ADGRV1: variants seen among roughly 807,000 people sequenced by gnomAD.
ADGRV1 encodes adhesion G protein-coupled receptor V1.
In ADGRV1, 359 loss-of-function variants were observed where a neutral mutation model predicts 596.2. The ratio of observed to expected loss-of-function variants is 0.60; its 90% CI spans 0.55 to 0.66. ADGRV1 has a LOEUF of 0.66. Ranked by LOEUF, ADGRV1 falls within the 30% of genes least tolerant of loss-of-function variation. ADGRV1 has a pLI of 0.00. For missense variants in ADGRV1, 7,274 were observed against 7,575.6 expected (o/e 0.96, Z 1.48); for synonymous variants, 2,681 against 2,679.2 (o/e 1.00, Z -0.02).
chr5:90,731,310 ACTC>A (rs565407495), intron 50 of ADGRV1, among the ~76,000 whole-genome samples: 226 of 152,076 alleles, frequency 1.5e-3, no homozygotes, highest in African/African-American at 5.2e-3. Flanking sequence ...TCTTGGGAGA[ACTC>A]CTCTACTATC....
chr5:91,006,595 A>G (rs928569192), intron 85 of ADGRV1, among the ~76,000 whole-genome samples: 1 of 152,186 alleles, frequency 6.6e-6, no homozygotes, highest in African/African-American at 2.4e-5. Flanking sequence ...AACACGGTCA[A>G]TTGAAATCTG....
intron 59 of ADGRV1, among the ~76,000 whole-genome samples, chr5:90,769,620 A>G (rs947518569): frequency 6.6e-6 from 1 of 152,054 alleles, no homozygotes; most frequent in Admixed American, 6.6e-5. Context: ...TGAATTCTGT[A>G]TTTTATTGTT....
chr5:91,113,337 C>T (rs1213514981), intron 87 of ADGRV1, among the ~76,000 whole-genome samples: 1 of 152,122 alleles, frequency 6.6e-6, no homozygotes, highest in Non-Finnish European at 1.5e-5. Flanking sequence ...ACTGTGCAGG[C>T]CAAGCAAAAG....
chr5:90,967,988 C>T (rs1778626663), intron 84 of ADGRV1, among the ~76,000 whole-genome samples: 1 of 152,158 alleles, frequency 6.6e-6, no homozygotes, highest in East Asian at 1.9e-4. Flanking sequence ...CAACCACTCT[C>T]ATGGGTCGTG....
chr5:90,743,965 T>C (rs1754305178), intron 50 of ADGRV1, among the ~76,000 whole-genome samples: 1 of 144,480 alleles, frequency 6.9e-6, no homozygotes, highest in South Asian at 2.3e-4. Flanking sequence ...TTTTACTTCT[T>C]TTTTAGAAGC....
chr5:90,585,483 G>T (rs1561331498), intron 1 of ADGRV1, among the ~76,000 whole-genome samples: 1 of 152,184 alleles, frequency 6.6e-6, no homozygotes, highest in Non-Finnish European at 1.5e-5. Flanking sequence ...TAGGATGGAG[G>T]GCGGAGTCTG....
At chr5:90,686,386 C>T (rs1028063526) in intron 29 of ADGRV1, among the ~76,000 whole-genome samples, 3 of 152,014 alleles carry the variant, frequency 2.0e-5, no homozygotes, top group African/African-American at 2.4e-5. Context: ...CACAACAGTC[C>T]CCAGAGTGTG....
Position 90,948,558 on chromosome 5 carries a change from G to C in ADGRV1, c.17857-16857G>C, listed in dbSNP as rs1185036654. Among the ~76,000 whole-genome samples the C allele has an allele frequency of 5.9e-5, 9 of 152,018 alleles. No homozygotes were observed. In the East Asian group the frequency reaches 1.7e-3, roughly 29 times the overall value. ...ACTTTATTCCTAGGTAAATACCCAA[G>C]AGAAATGTCCCATAGAAAACAAGTA... is the stretch of plus-strand genomic sequence containing the variant. On this transcript the variant is annotated intron_variant, in intron 83 of 89. Transcript: ENST00000405460.
intron 27 of ADGRV1, among the ~76,000 whole-genome samples, chr5:90,683,264 G>T (rs144988841): frequency 9.5e-4 from 144 of 152,148 alleles, no homozygotes; most frequent in African/African-American, 3.4e-3. Flanking sequence ...AGGCTGGAGT[G>T]CAGTGACACC....
chr5:90,735,949 A>G (rs544645000), intron 50 of ADGRV1, among the ~76,000 whole-genome samples: 22 of 152,222 alleles, frequency 1.4e-4, no homozygotes, highest in African/African-American at 3.8e-4. Context: ...TTCCATTCCT[A>G]TTTAGGTATG....
In ADGRV1 at chr5:91,111,628, T is replaced by A. The variant is rs61195095; in HGVS notation, c.18432+9288T>A. 6.3e-3 allele frequency among the ~76,000 whole-genome samples: 965 copies of A among 152,332 alleles called. 10 individuals are homozygous for A. The highest frequency in any genetic ancestry group is 0.022 in the African/African-American group (906 of 41,560). On this transcript the variant is annotated intron_variant, in intron 87 of 89. Coordinates refer to ENST00000405460, the MANE Select transcript of ADGRV1 (RefSeq NM_032119.4). ...ACTAATTGTTTCAAGGCACTCCCTT[T>A]GCAGTTGCTTTCCAACAGCCAACAG...
Position 90,643,935 on chromosome 5 carries a change from G to T in ADGRV1, c.2686G>T (p.Gly896Cys), listed in dbSNP as rs758482276. The T allele has an allele frequency of 6.2e-7, 1 of 1,611,816 alleles. No individual in the cohort carries two copies. The highest frequency in any genetic ancestry group is 8.5e-7 in the Non-Finnish European group (1 of 1,178,512). ...TGGCATTATAGAATTTGTTTCTGAT[G>T]GTCTAATTGTGATGATAAATGAAAG... The part of the protein sequence containing the change: ...PHGIIEFVSD[G>C]LIVMINESKG... The change falls in exon 14 of 90, where the codon GGT becomes TGT. Residue 896 changes from glycine to cysteine, a missense_variant. Transcript: ENST00000405460.
intron 83 of ADGRV1, among the ~76,000 whole-genome samples, chr5:90,943,853 A>C (rs1299593307): frequency 5.3e-5 from 8 of 152,010 alleles, no homozygotes; most frequent in Non-Finnish European, 1.2e-4. Flanking sequence ...TTTAGAACCC[A>C]CCTCACTTCT....
At position 90,577,692 on chromosome 5, in the gene ADGRV1, A is replaced by G. The variant is rs184373762; in HGVS notation, c.22+18775A>G. On this transcript the variant is annotated intron_variant, in intron 1 of 89. Coordinates refer to ENST00000405460, the MANE Select transcript of ADGRV1 (RefSeq NM_032119.4). ...GCTTGATGGGGATAACATTGAATCT[A>G]TAAATTACTTTGGGCATTATGGCCA... Among the ~76,000 whole-genome samples the G allele has an allele frequency of 3.9e-5, 6 of 152,308 alleles. 1 individual carries two copies. The East Asian group carries it at 1.2e-3, about 29-fold the overall frequency.
At chr5:91,015,300 T>G (rs1309594593) in intron 85 of ADGRV1, among the ~76,000 whole-genome samples, 1 of 152,084 alleles carries the variant, frequency 6.6e-6, no homozygotes, top group East Asian at 1.9e-4. Flanking sequence ...TTATGTCCAA[T>G]TATGTGGTAG....
intron 83 of ADGRV1, among the ~76,000 whole-genome samples, chr5:90,952,675 A>G (rs1164612900): frequency 1.3e-5 from 2 of 152,218 alleles, no homozygotes; most frequent in African/African-American, 2.4e-5. Flanking sequence ...ACTTGAACTC[A>G]GGTGAGCTGT....
intron 85 of ADGRV1, among the ~76,000 whole-genome samples, chr5:90,993,379 G>A (rs1438647209): frequency 6.6e-6 from 1 of 151,836 alleles, no homozygotes; most frequent in South Asian, 2.1e-4. Context: ...GGCTGGTCTC[G>A]AACTCCTGAT....
intron 85 of ADGRV1, among the ~76,000 whole-genome samples, chr5:91,054,216 C>CCACT (rs1172602350): frequency 6.6e-6 from 1 of 151,892 alleles, no homozygotes; most frequent in East Asian, 1.9e-4. Context: ...TTTTGATACC[C>CCACT]CACTCCTAGT....
In ADGRV1 at chr5:90,642,550, A is replaced by T. The variant is rs148840617; in HGVS notation, c.2241-86A>T. 428 of 1,353,518 alleles carry T rather than the reference A, an allele frequency of 3.2e-4. 1 individual carries two copies. In the African/African-American group the frequency reaches 4.9e-3, roughly 15 times the overall value. The allele number at this position is 1,353,518 out of a possible 1,614,324, so 83.8% of individuals were successfully genotyped here. On this transcript the variant is annotated intron_variant, in intron 11 of 89. Transcript: ENST00000405460. ...AGCCTTCCTTTTCATTATCTGGAAG[A>T]GTTGTAAATATTGCCTTAAAAGCCT...
Sources: gnomAD v4.1 joint callset for allele counts (sites outside exome capture counted in the v4.1 genomes callset) on GRCh38, gnomAD v4.1.1 for gene constraint, MANE v1.5 for transcripts, NCBI Gene and HGNC (gene_info 2026-07-23, HGNC 2026-07-21) for gene names.